Variants in CLSTN1 observed in about 807,000 individuals in gnomAD.
CLSTN1 encodes the protein calsyntenin 1, also known as calsyntenin-1.
In CLSTN1, 28 loss-of-function variants were observed where a neutral mutation model predicts 108.3. The observed-to-expected ratio is 0.26, with a 90% CI of 0.19 to 0.35. The LOEUF (loss-of-function observed/expected upper bound fraction) is 0.35. Ranked by LOEUF, CLSTN1 falls within the 10% of genes least tolerant of loss-of-function variation. CLSTN1 has a pLI of 1.00. For synonymous variants in CLSTN1, 524 were observed against 534.9 expected, an observed-to-expected ratio of 0.98 and a Z score of 0.28; for missense variants, 1,157 against 1,302.6, an observed-to-expected ratio of 0.89 and a Z score of 1.72.
At chr1:9,744,140 T>C in intron 8 of CLSTN1, 135 bp from the exon 9 acceptor site, 1 of 1,280,572 alleles carries the variant, frequency 7.8e-7, no homozygotes, top group Non-Finnish European at 1.1e-6. Context: ...AGGCAGGGCT[T>C]AGAAACAAAT....
intron 1 of CLSTN1, among the ~76,000 whole-genome samples, chr1:9,798,844 C>A (rs1482935838): frequency 6.6e-6 from 1 of 152,138 alleles, no homozygotes; most frequent in Admixed American, 6.6e-5. Flanking sequence ...ATTCTTAGAT[C>A]CCTAAGAGAA....
intron 1 of CLSTN1, among the ~76,000 whole-genome samples, chr1:9,774,686 C>A (rs1652851198): frequency 1.3e-5 from 2 of 151,924 alleles, no homozygotes; most frequent in South Asian, 4.2e-4. Flanking sequence ...GGGTCCCAAT[C>A]CAGCCCCCGA....
At chr1:9,807,931 C>T (rs1355338256) in intron 1 of CLSTN1, among the ~76,000 whole-genome samples, 2 of 152,212 alleles carry the variant, frequency 1.3e-5, no homozygotes, top group African/African-American at 2.4e-5. Context: ...GTACCTCGGC[C>T]TCCTAGCCCC....
chr1:9,806,484 T>C (rs1654511748), intron 1 of CLSTN1, among the ~76,000 whole-genome samples: 1 of 152,216 alleles, frequency 6.6e-6, no homozygotes, highest in African/African-American at 2.4e-5. Context: ...GTCTGCTGAA[T>C]GAATGACTTT....
intron 1 of CLSTN1, among the ~76,000 whole-genome samples, chr1:9,780,411 G>A (rs868032521): frequency 6.6e-6 from 1 of 152,150 alleles, no homozygotes; most frequent in African/African-American, 2.4e-5. Flanking sequence ...AACCCATGAT[G>A]AGTAGTAACG....
At chr1:9,745,777 T>G (rs1310477913) in intron 7 of CLSTN1, among the ~76,000 whole-genome samples, 9 of 146,100 alleles carry the variant, frequency 6.2e-5, no homozygotes, top group Non-Finnish European at 1.1e-4. Flanking sequence ...TTTTTTTTTT[T>G]TTTTTTTTTT....
Position 9,730,375 on chromosome 1 carries a change from G to T in CLSTN1, c.*133C>A. 2 of 820,384 alleles carry T rather than the reference G, an allele frequency of 2.4e-6. No homozygotes were observed. Among genetic ancestry groups the T allele is most frequent in the African/African-American group, 1.7e-5 (1 of 60,080 alleles). 50.8% of individuals were successfully genotyped at this position (820,384 alleles called of 1,614,324 possible). On this transcript the variant is annotated 3_prime_UTR_variant, in exon 19 of 19. Coordinates refer to ENST00000377298, the MANE Select transcript of CLSTN1 (RefSeq NM_001009566.3). The surrounding 1 kb of genome is among the most constrained non-coding windows in gnomAD (Gnocchi z 5.6). Reference sequence around the variant, plus strand: ...TAGGGTCCTACACACCAAGCACAGCGACGATCGTGGCGGGGAGGGGTCTGC... The same window carrying T: ...TAGGGTCCTACACACCAAGCACAGCTACGATCGTGGCGGGGAGGGGTCTGC...
At position 9,730,213 on chromosome 1, in the gene CLSTN1, G is replaced by A. The variant is rs941525967; in HGVS notation, c.*295C>T. On this transcript the variant is annotated 3_prime_UTR_variant, in exon 19 of 19. Coordinates refer to ENST00000377298, the MANE Select transcript of CLSTN1 (RefSeq NM_001009566.3). The surrounding 1 kb of genome is among the most constrained non-coding windows in gnomAD (Gnocchi z 5.6). The stretch of plus-strand genomic sequence containing the variant: ...TGCGAGGGGCCAGTGTCCTCTCCCC[G>A]GGGGGAGACTCCAGACACAAACGCG... 14 of 484,906 alleles carry A rather than the reference G, an allele frequency of 2.9e-5. No homozygotes were observed. The highest frequency in any genetic ancestry group is 1.3e-4 in the South Asian group (5 of 39,016). 30.0% of individuals were successfully genotyped at this position (484,906 alleles called of 1,614,324 possible).
At chr1:9,814,652 A>AG (rs1372288194) in intron 1 of CLSTN1, among the ~76,000 whole-genome samples, 1 of 152,224 alleles carries the variant, frequency 6.6e-6, no homozygotes, top group East Asian at 1.9e-4. Flanking sequence ...GCTCACGCCT[A>AG]TAATCGCAGC....
chr1:9,745,652 C>A (rs1313311704), intron 7 of CLSTN1, among the ~76,000 whole-genome samples: 2 of 149,966 alleles, frequency 1.3e-5, no homozygotes, highest in African/African-American at 4.9e-5. Context: ...GACCCTGTCT[C>A]AAAAATATAT....
Position 9,741,199 on chromosome 1 carries a change from G to C in CLSTN1, c.1414C>G (p.Leu472Val), listed in dbSNP as rs373007657. Residue 472 changes from leucine to valine, a missense_variant, in exon 10 of 19, where the codon CTC (leucine) becomes GTC (valine). By Grantham distance (32) the Leu-to-Val change is conservative. Transcript: ENST00000377298. ...VLNVEFPSVT[L>V]YVDGTSHEPF... is the part of the protein sequence containing the mutation. The stretch of plus-strand genomic sequence containing the variant: ...TCGTGGGACGTGCCATCCACATAGA[G>C]AGTCACACTCGGGAATTCTACATTG... 6.2e-7 allele frequency: 1 copy of C among 1,613,936 alleles called. No homozygotes were observed. Among genetic ancestry groups the C allele is most frequent in the African/African-American group, 1.3e-5 (1 of 74,898 alleles).
chr1:9,747,115 C>T (rs986849197), intron 7 of CLSTN1, among the ~76,000 whole-genome samples: 2 of 136,328 alleles, frequency 1.5e-5, no homozygotes, highest in Non-Finnish European at 3.0e-5. Flanking sequence ...AGGAGGCAGA[C>T]GTTGCAGTGA....
chr1:9,793,896 A>G (rs1653875954), intron 1 of CLSTN1, among the ~76,000 whole-genome samples: 1 of 151,466 alleles, frequency 6.6e-6, no homozygotes, highest in African/African-American at 2.4e-5. Flanking sequence ...TGCTGCTACC[A>G]GCTTCCTAGA....
intron 9 of CLSTN1, among the ~76,000 whole-genome samples, chr1:9,742,893 G>A (rs557161061): frequency 3.8e-4 from 58 of 151,938 alleles, no homozygotes; most frequent in African/African-American, 5.6e-4. Context: ...GCAACAAAGC[G>A]AGACTCAGTC....
chr1:9,786,002 C>A (rs1412658253), intron 1 of CLSTN1, among the ~76,000 whole-genome samples: 1 of 151,682 alleles, frequency 6.6e-6, no homozygotes, highest in Non-Finnish European at 1.5e-5. Context: ...ATGATAAAAC[C>A]CTGTCTCTAC....
At chr1:9,789,610 C>G (rs1308757253) in intron 1 of CLSTN1, among the ~76,000 whole-genome samples, 6 of 151,458 alleles carry the variant, frequency 4.0e-5, no homozygotes, top group Non-Finnish European at 8.8e-5. Flanking sequence ...CCTCTCAATA[C>G]CGCATCATAC....
intron 1 of CLSTN1, among the ~76,000 whole-genome samples, chr1:9,784,540 G>A (rs1653395223): frequency 6.6e-6 from 1 of 152,166 alleles, no homozygotes; most frequent in African/African-American, 2.4e-5. Flanking sequence ...AAACAAGAGT[G>A]TGATGTGTGC....
At chr1:9,758,366 T>C (rs557877669) in intron 2 of CLSTN1, among the ~76,000 whole-genome samples, 225 of 151,780 alleles carry the variant, frequency 1.5e-3, no homozygotes, top group Admixed American at 3.9e-3. Flanking sequence ...CAGGCTGGAG[T>C]ACAGTGGTAG....
chr1:9,768,072 C>T (rs1030358010), intron 2 of CLSTN1, among the ~76,000 whole-genome samples: 1 of 152,136 alleles, frequency 6.6e-6, no homozygotes, highest in African/African-American at 2.4e-5. Flanking sequence ...AAGTAATTTG[C>T]CTAAGGCCAC....
Sources: allele counts gnomAD v4.1 joint callset (sites outside exome capture counted in the v4.1 genomes callset), GRCh38; gene constraint gnomAD v4.1.1; non-coding constraint Gnocchi (gnomAD v3.1); transcripts MANE v1.5; gene names NCBI Gene and HGNC (gene_info 2026-07-23, HGNC 2026-07-21).